The following THAP8 variants were observed in gnomAD, a reference collection of about 807,000 sequenced individuals.
The protein encoded by THAP8 is THAP domain containing 8.
THAP8 carries 24 observed loss-of-function variants against 25.0 expected under a neutral mutation model. The observed-to-expected ratio is 0.96, with a 90% CI of 0.69 to 1.35. The LOEUF is 1.35. THAP8 is among the 40% of genes most tolerant of loss of function. THAP8 has a pLI of 0.00. For missense variants in THAP8, 399 were observed against 368.8 expected (o/e 1.08, Z -0.67); for synonymous variants, 169 against 157.6 (o/e 1.07, Z -0.54).
In THAP8 at chr19:36,040,090, T is replaced by A; in HGVS notation, c.130A>T (p.Met44Leu). 1 of 1,613,002 alleles carries A rather than the reference T, an allele frequency of 6.2e-7. No individual in the cohort carries two copies. The highest frequency in any genetic ancestry group is 1.7e-5 in the Admixed American group (1 of 59,992). The change falls in exon 2 of 4, where the codon ATG becomes TTG. Residue 44 changes from methionine to leucine, a missense_variant. By Grantham distance (15) the Met-to-Leu change is conservative. Coordinates refer to ENST00000292894, the MANE Select transcript of THAP8 (RefSeq NM_152658.3). ...CTGGGCACCCAGTGCTCACAGCCCATGTGCTGCAGCCAGGCCTGCAGCCGG... is the reference window on the plus strand; with the variant it reads ...CTGGGCACCCAGTGCTCACAGCCCAAGTGCTGCAGCCAGGCCTGCAGCCGG... ...GPRLQAWLQH[M>L]GCEHWVPSCH... is the part of the protein sequence containing the mutation.
chr19:36,044,107 C>T (rs149834880), intron 1 of THAP8, among the ~76,000 whole-genome samples: 4 of 152,172 alleles, frequency 2.6e-5, no homozygotes, highest in Non-Finnish European at 4.4e-5. Flanking sequence ...CCTTTTCCAG[C>T]CTTATTTGCA....
At chr19:36,050,965 AAC>A (rs1343958371) in intron 1 of THAP8, among the ~76,000 whole-genome samples, 2 of 152,226 alleles carry the variant, frequency 1.3e-5, no homozygotes, top group African/African-American at 2.4e-5. Context: ...TGGAGACACA[AAC>A]AGGAGGAAAG....
intron 1 of THAP8, among the ~76,000 whole-genome samples, chr19:36,051,423 C>G (rs1970051759): frequency 6.6e-6 from 1 of 151,836 alleles, no homozygotes; most frequent in South Asian, 2.1e-4. Flanking sequence ...CAGAGGAGGG[C>G]GCTGATCTGA....
At chr19:36,036,315 A>G (rs1969444886) in intron 3 of THAP8, among the ~76,000 whole-genome samples, 2 of 131,156 alleles carry the variant, frequency 1.5e-5, no homozygotes, top group Admixed American at 9.0e-5. Context: ...TCACAGTGTC[A>G]CCCAGGCTGG....
chr19:36,049,831 T>C (rs1970003470), intron 1 of THAP8, among the ~76,000 whole-genome samples: 1 of 152,098 alleles, frequency 6.6e-6, no homozygotes, highest in South Asian at 2.1e-4. Context: ...GGTGGGTGGA[T>C]CACCTGTGGT....
intron 1 of THAP8, among the ~76,000 whole-genome samples, chr19:36,048,871 A>AAAAC (rs1969971730): frequency 6.6e-6 from 1 of 150,994 alleles, no homozygotes; most frequent in African/African-American, 2.4e-5. Flanking sequence ...AAAACAAAAA[A>AAAAC]CACCTTTGTT....
At chr19:36,045,269 T>C (rs1310001199) in intron 1 of THAP8, among the ~76,000 whole-genome samples, 1 of 151,646 alleles carries the variant, frequency 6.6e-6, no homozygotes, top group African/African-American at 2.4e-5. Flanking sequence ...TTTGTATATT[T>C]ATTTATTTAT....
At chr19:36,054,460 C>T, upstream of THAP8, 1 of 593,842 alleles carries the variant, frequency 1.7e-6, no homozygotes, top group South Asian at 2.0e-5. Flanking sequence ...CTGCGCAAAG[C>T]CGGCCCTTCG....
At position 36,039,688 on chromosome 19, in the gene THAP8, G is replaced by C. The variant is rs1463365060; in HGVS notation, c.307C>G (p.Pro103Ala). ...TGTAGGGGAGGCGGCGGCGAGACTGGCTTCTGGGTGCTTCGGGTCCTCCGC... is the reference window on the plus strand; with the variant it reads ...TGTAGGGGAGGCGGCGGCGAGACTGCCTTCTGGGTGCTTCGGGTCCTCCGC... ...SQRRTRSTQK[P>A]VSPPPPLQKN... is the part of the protein sequence containing the mutation. Residue 103 changes from proline to alanine, a missense_variant, in exon 3 of 4, where the codon CCA becomes GCA. Transcript: ENST00000292894. The C allele has an allele frequency of 1.3e-6, 2 of 1,524,524 alleles. No individual in the cohort carries two copies. Among genetic ancestry groups the C allele is most frequent in the South Asian group, 2.5e-5 (2 of 79,152 alleles). The allele number at this position is 1,524,524 out of a possible 1,614,324, so 94.4% of individuals were successfully genotyped here.
At chr19:36,043,716 C>T (rs1263105126) in intron 1 of THAP8, among the ~76,000 whole-genome samples, 3 of 151,878 alleles carry the variant, frequency 2.0e-5, no homozygotes, top group Non-Finnish European at 2.9e-5. Context: ...GGTGAAACCC[C>T]GTCTCTACGA....
intron 1 of THAP8, among the ~76,000 whole-genome samples, chr19:36,040,831 GC>G (rs1969665816): frequency 1.3e-5 from 2 of 152,086 alleles, no homozygotes; most frequent in South Asian, 4.1e-4. Context: ...GGGAGATCGT[GC>G]AGCCAAGCGA....
In THAP8 at chr19:36,040,916, C is replaced by T. The variant is rs111853905; in HGVS notation, c.84-780G>A. ...AAGAGAGATTTAAGAAACATCAGCA[C>T]AAACGCAGGATGTGGACCTTGCCTA... On this transcript the variant is annotated intron_variant, in intron 1 of 3. Coordinates refer to ENST00000292894, the MANE Select transcript of THAP8 (RefSeq NM_152658.3). Among the ~76,000 whole-genome samples, 192 of 152,260 alleles carry T rather than the reference C, an allele frequency of 1.3e-3. 1 individual carries two copies. Among genetic ancestry groups the T allele is most frequent in the African/African-American group, 4.5e-3 (188 of 41,542 alleles).
In THAP8 at chr19:36,037,378, A is replaced by ACACG. The variant is rs1383212961; in HGVS notation, c.673-1787_673-1786insCGTG. Among the ~76,000 whole-genome samples, 51 of 150,106 alleles carry ACACG rather than the reference A, an allele frequency of 3.4e-4. No individual in the cohort carries two copies. The South Asian group carries it at 0.011, about 31-fold the overall frequency. On this transcript the variant is annotated intron_variant, in intron 3 of 3. Coordinates refer to ENST00000292894, the MANE Select transcript of THAP8 (RefSeq NM_152658.3). ...CACACACACACACACACACACACAC[A>ACACG]CACCCAGCAGTAAAATATAGAGGCA...
At chr19:36,045,842 C>T (rs1365675495) in intron 1 of THAP8, 1 of 456,704 alleles carries the variant, frequency 2.2e-6, no homozygotes. Flanking sequence ...CAGAGGAGTA[C>T]AGCCCTGCCG....
intron 1 of THAP8, among the ~76,000 whole-genome samples, chr19:36,048,263 C>T (rs911600793): frequency 5.9e-5 from 9 of 152,038 alleles, no homozygotes; most frequent in East Asian, 1.9e-4. Flanking sequence ...CTTTGGGCCA[C>T]GTGTGGTGAT....
At chr19:36,044,079 T>C (rs982545142) in intron 1 of THAP8, among the ~76,000 whole-genome samples, 44 of 152,120 alleles carry the variant, frequency 2.9e-4, no homozygotes, top group African/African-American at 1.0e-3. Flanking sequence ...GGCTCAAGGC[T>C]ACCCATAATA....
chr19:36,050,865 C>T (rs1012231476), intron 1 of THAP8, among the ~76,000 whole-genome samples: 1 of 152,200 alleles, frequency 6.6e-6, no homozygotes, highest in East Asian at 1.9e-4. Flanking sequence ...TGCTGGCTTT[C>T]CTGGAGAGCC....
intron 3 of THAP8, among the ~76,000 whole-genome samples, chr19:36,036,963 G>A (rs1450832754): frequency 7.1e-6 from 1 of 140,578 alleles, no homozygotes; most frequent in Non-Finnish European, 1.6e-5. Flanking sequence ...AAAAAAAATC[G>A]GATACTCCTT....
chr19:36,043,058 A>G (rs894962644), intron 1 of THAP8, among the ~76,000 whole-genome samples: 4 of 152,088 alleles, frequency 2.6e-5, no homozygotes, highest in Non-Finnish European at 5.9e-5. Flanking sequence ...CTTCCCAAGT[A>G]GCTGGGATTA....
Sources: gnomAD v4.1 joint callset for allele counts (sites outside exome capture counted in the v4.1 genomes callset) on GRCh38, gnomAD v4.1.1 for gene constraint, MANE v1.5 for transcripts, NCBI Gene and HGNC (gene_info 2026-07-23, HGNC 2026-07-21) for gene names.